Variants in MARCHF1 observed in about 807,000 individuals in gnomAD.
MARCHF1 encodes the protein E3 ubiquitin-protein ligase MARCHF1.
MARCHF1 carries 40 observed loss-of-function variants against 54.2 expected under a neutral mutation model. The observed-to-expected ratio is 0.74, with a 90% confidence interval of 0.57 to 0.96. The LOEUF is 0.96. Among genes scored for constraint, MARCHF1 ranks in the 40% least tolerant of loss-of-function variants. The probability of loss-of-function intolerance (pLI) is 0.00; values close to 1 mark genes in which losing one functional copy is unlikely to be tolerated. For synonymous variants in MARCHF1, 236 were observed against 236.3 expected (o/e 1.00, Z 0.01); for missense variants, 586 against 656.5 (o/e 0.89, Z 1.17).
chr4:163,832,450 T>G (rs1329252351), intron 4 of MARCHF1, among the ~76,000 whole-genome samples: 1 of 152,136 alleles, frequency 6.6e-6, no homozygotes, highest in African/African-American at 2.4e-5. Context: ...ACTGGGACAG[T>G]GACATGACAA....
At chr4:164,135,120 T>A (rs1224574967) in intron 1 of MARCHF1, among the ~76,000 whole-genome samples, 1 of 152,250 alleles carries the variant, frequency 6.6e-6, no homozygotes, top group East Asian at 1.9e-4. Context: ...CTATTTTATG[T>A]AGAGCTTCCT....
At chr4:163,862,589 T>A (rs1292440660) in intron 3 of MARCHF1, among the ~76,000 whole-genome samples, 2 of 152,106 alleles carry the variant, frequency 1.3e-5, no homozygotes, top group Admixed American at 1.3e-4. Flanking sequence ...ACAGGTATTC[T>A]TTTCCATTGC....
chr4:164,096,546 A>G (rs1049349421), intron 2 of MARCHF1, among the ~76,000 whole-genome samples: 1 of 150,626 alleles, frequency 6.6e-6, no homozygotes, highest in Non-Finnish European at 1.5e-5. Context: ...ACAGACCTGC[A>G]CATGTATTTC....
At chr4:164,154,993 T>C (rs538821268) in intron 1 of MARCHF1, among the ~76,000 whole-genome samples, 161 of 152,288 alleles carry the variant, frequency 1.1e-3, no homozygotes, top group African/African-American at 3.8e-3. Context: ...CAGCAGCTAA[T>C]TCTCCGACTG....
At chr4:163,583,652 G>GTTTTTTTTTTTTTT (rs11350711) in intron 8 of MARCHF1, 8 of 123,826 alleles carry the variant, frequency 6.5e-5, no homozygotes, top group African/African-American at 1.9e-4. Context: ...TTTTTTGTGT[G>GTTTTTTTTTTTTTT]TTTTTTTTTT....
At chr4:164,000,327 G>C (rs1753161932) in intron 2 of MARCHF1, among the ~76,000 whole-genome samples, 1 of 151,684 alleles carries the variant, frequency 6.6e-6, no homozygotes, top group South Asian at 2.1e-4. Flanking sequence ...GAAATGAAAA[G>C]ATAAGTGTTC....
At chr4:164,378,585 A>T (rs911451177) in intron 1 of MARCHF1, among the ~76,000 whole-genome samples, 5 of 152,234 alleles carry the variant, frequency 3.3e-5, no homozygotes, top group Non-Finnish European at 7.3e-5. Context: ...CAGAAGTCTA[A>T]CAACTTGTGA....
At chr4:164,115,825 A>G (rs1027912841) in intron 1 of MARCHF1, among the ~76,000 whole-genome samples, 2 of 152,068 alleles carry the variant, frequency 1.3e-5, no homozygotes, top group Non-Finnish European at 2.9e-5. Flanking sequence ...AAAATTCAAA[A>G]TCTAGAAAGA....
At chr4:163,714,570 G>GAA (rs1745203018) in intron 4 of MARCHF1, among the ~76,000 whole-genome samples, 3 of 152,206 alleles carry the variant, frequency 2.0e-5, no homozygotes, top group Non-Finnish European at 4.4e-5. Context: ...CATAAATTAA[G>GAA]TAGGACGGTA....
chr4:164,295,919 G>C (rs1396535919), intron 1 of MARCHF1, among the ~76,000 whole-genome samples: 1 of 152,064 alleles, frequency 6.6e-6, no homozygotes, highest in Non-Finnish European at 1.5e-5. Flanking sequence ...TAGAGTATGA[G>C]AGTATAAAGA....
intron 1 of MARCHF1, among the ~76,000 whole-genome samples, chr4:164,206,588 G>C (rs2111104512): frequency 6.6e-6 from 1 of 152,154 alleles, no homozygotes; most frequent in Admixed American, 6.5e-5. Context: ...CTAAAATTTG[G>C]AAGTGCTTTG....
chr4:163,921,834 G>A (rs1465912843), intron 3 of MARCHF1, among the ~76,000 whole-genome samples: 3 of 151,988 alleles, frequency 2.0e-5, no homozygotes, highest in Non-Finnish European at 4.4e-5. Context: ...TTGGAAATTG[G>A]CAAAGGTATT....
At chr4:163,750,638 C>A (rs1746495542) in intron 4 of MARCHF1, among the ~76,000 whole-genome samples, 2 of 152,236 alleles carry the variant, frequency 1.3e-5, no homozygotes, top group South Asian at 4.1e-4. Context: ...TAATTTCAAG[C>A]ACACACAAAC....
intron 5 of MARCHF1, among the ~76,000 whole-genome samples, chr4:163,658,423 G>T (rs1056937188): frequency 6.6e-6 from 1 of 151,972 alleles, no homozygotes; most frequent in African/African-American, 2.4e-5. Flanking sequence ...AGGTTGCAGA[G>T]AAATAGGAAT....
chr4:163,573,589 T>C (rs1222007320), intron 8 of MARCHF1, among the ~76,000 whole-genome samples: 2 of 151,602 alleles, frequency 1.3e-5, no homozygotes, highest in African/African-American at 2.4e-5. Flanking sequence ...TGTGATAGTT[T>C]ACTGAGAATG....
chr4:163,774,031 T>C (rs1329222669), intron 4 of MARCHF1, among the ~76,000 whole-genome samples: 1 of 152,178 alleles, frequency 6.6e-6, no homozygotes. Context: ...AGAATGCACA[T>C]ACAATTGTCT....
At chr4:163,767,410 C>T (rs56264835) in intron 4 of MARCHF1, among the ~76,000 whole-genome samples, 4,360 of 151,752 alleles carry the variant, frequency 0.029, 134 homozygotes, top group African/African-American at 0.075. Flanking sequence ...CTCGGCTCAC[C>T]GCAAGCTCCC....
chr4:164,185,281 T>A (rs1018532342), intron 1 of MARCHF1, among the ~76,000 whole-genome samples: 1 of 152,230 alleles, frequency 6.6e-6, no homozygotes, highest in African/African-American at 2.4e-5. Flanking sequence ...TATTTTCAGA[T>A]AAACATTGTA....
At chr4:163,846,792 A>G (rs530298202) in intron 4 of MARCHF1, among the ~76,000 whole-genome samples, 5 of 152,196 alleles carry the variant, frequency 3.3e-5, no homozygotes, top group African/African-American at 1.2e-4. Flanking sequence ...TATACAAGAT[A>G]TTGTGCTTAA....
Sources: allele counts gnomAD v4.1 joint callset (sites outside exome capture counted in the v4.1 genomes callset), GRCh38; gene constraint gnomAD v4.1.1; transcripts MANE v1.5; gene names NCBI Gene and HGNC (gene_info 2026-07-23, HGNC 2026-07-21).